ZFP14: variants seen among roughly 807,000 people sequenced by gnomAD.
The protein encoded by ZFP14 is zinc finger protein 14 homolog.
Under a neutral mutation model 54.5 loss-of-function variants are expected in ZFP14, and 22 were observed. The observed-to-expected ratio is 0.40, with a 90% CI of 0.29 to 0.58. ZFP14 has a LOEUF of 0.58. Ranked by LOEUF, ZFP14 falls within the 20% of genes least tolerant of loss-of-function variation. The pLI is 0.39. For missense variants in ZFP14, 470 were observed against 637.8 expected (o/e 0.74, Z 2.83); for synonymous variants, 159 against 204.0 (o/e 0.78, Z 1.88).
intron 2 of ZFP14, chr19:36,362,741 T>A (rs1036289901): frequency 1.7e-4 from 38 of 219,230 alleles, no homozygotes; most frequent in East Asian, 6.3e-4. Context: ...TTTAAAAATT[T>A]AAAAAAAAAG....
intron 2 of ZFP14, among the ~76,000 whole-genome samples, chr19:36,366,039 T>C (rs1482091285): frequency 6.8e-6 from 1 of 147,902 alleles, no homozygotes; most frequent in Non-Finnish European, 1.5e-5. Flanking sequence ...TCGAGGCAGG[T>C]GGATCACTTG....
chr19:36,372,639 T>C (rs2031897070), intron 1 of ZFP14, among the ~76,000 whole-genome samples: 1 of 152,068 alleles, frequency 6.6e-6, no homozygotes, highest in African/African-American at 2.4e-5. Flanking sequence ...ACAAACAGTA[T>C]GGAGAGGCCT....
intron 2 of ZFP14, among the ~76,000 whole-genome samples, chr19:36,365,892 C>T (rs1395411820): frequency 1.3e-5 from 2 of 148,900 alleles, no homozygotes; most frequent in Non-Finnish European, 3.0e-5. Context: ...CCTGGGAGGT[C>T]GGGGCTGCAG....
In ZFP14 at chr19:36,354,934, G is replaced by A. The variant is rs2031589864; in HGVS notation, c.235+5501C>T. 1.4e-5 allele frequency among the ~76,000 whole-genome samples: 2 copies of A among 143,328 alleles called. 1 individual carries two copies. Among genetic ancestry groups the A allele is most frequent in the South Asian group, 4.4e-4 (2 of 4,536 alleles). The allele number at this position is 143,328 out of a possible 152,430, so 94.0% of individuals were successfully genotyped here. On this transcript the variant is annotated intron_variant, in intron 4 of 4. Coordinates refer to ENST00000270001, the MANE Select transcript of ZFP14 (RefSeq NM_020917.3). ...GATCCTCCCACCTCAGCCTCTCAAA[G>A]TGCTGGGATTACAGGCACGAAGCCA... is the stretch of plus-strand genomic sequence containing the variant.
chr19:36,377,546 T>TAAAAA (rs60132379), intron 1 of ZFP14, among the ~76,000 whole-genome samples: 1 of 137,522 alleles, frequency 7.3e-6, no homozygotes. Context: ...ACCCTGTCTC[T>TAAAAA]AAAAAAAAAA....
At chr19:36,358,081 T>C (rs1409599066) in intron 4 of ZFP14, among the ~76,000 whole-genome samples, 1 of 146,032 alleles carries the variant, frequency 6.8e-6, no homozygotes, top group African/African-American at 2.6e-5. Flanking sequence ...TCTATCTATC[T>C]ATCTATCTAT....
intron 4 of ZFP14, among the ~76,000 whole-genome samples, chr19:36,346,179 A>G (rs1013360321): frequency 6.6e-6 from 1 of 152,002 alleles, no homozygotes; most frequent in Non-Finnish European, 1.5e-5. Context: ...CAGCTACTCG[A>G]AAGACTGAGG....
rs536457308 is a variant in ZFP14, at chr19:36,372,706, C to T, written c.-79-4735G>A. On this transcript the variant is annotated intron_variant, in intron 1 of 4. Transcript: ENST00000270001. ...CTAGCAATCACACTACTGTATATATCCAAAGGAAATGAAATCAGAATGTCA... is the reference window on the plus strand; with the variant it reads ...CTAGCAATCACACTACTGTATATATTCAAAGGAAATGAAATCAGAATGTCA... Among the ~76,000 whole-genome samples, 23 of 152,174 alleles carry T rather than the reference C, an allele frequency of 1.5e-4. 1 individual carries two copies. In the South Asian group the frequency reaches 4.6e-3, roughly 30 times the overall value.
intron 4 of ZFP14, among the ~76,000 whole-genome samples, chr19:36,355,207 T>C (rs1316159441): frequency 7.0e-6 from 1 of 143,400 alleles, no homozygotes; most frequent in Non-Finnish European, 1.5e-5. Flanking sequence ...ATCAACCTAA[T>C]CATAATAGAA....
intron 4 of ZFP14, among the ~76,000 whole-genome samples, chr19:36,343,239 GTCTC>G (rs1413311428): frequency 1.3e-5 from 2 of 152,196 alleles, no homozygotes; most frequent in African/African-American, 4.8e-5. Context: ...CAATATTTGA[GTCTC>G]TCTGTTTAAA....
Position 36,341,835 on chromosome 19 carries a change from C to T in ZFP14, c.236-245G>A, listed in dbSNP as rs935625675. On this transcript the variant is annotated intron_variant, in intron 4 of 4. Transcript: ENST00000270001. This position sits in a 1 kb window ranked among gnomAD's most constrained non-coding sequence, Gnocchi z 4.2. ...ACTGTGTTCAGAAGAAAAATAGGCC[C>T]GGAGCAGGACCACTTAATTTTTTTT... Among the ~76,000 whole-genome samples the T allele has an allele frequency of 2.6e-5, 4 of 152,052 alleles. No homozygotes were observed. The highest frequency in any genetic ancestry group is 2.1e-4 in the South Asian group (1 of 4,814).
intron 1 of ZFP14, among the ~76,000 whole-genome samples, chr19:36,375,975 G>C (rs997095573): frequency 2.0e-5 from 3 of 151,894 alleles, no homozygotes; most frequent in African/African-American, 7.3e-5. Context: ...TTACAGACAT[G>C]AGCCACCGCG....
At position 36,352,708 on chromosome 19, in the gene ZFP14, G is replaced by A. The variant is rs1403063801; in HGVS notation, c.235+7727C>T. ...TGTAATCCCAACACTTTGGGAGGCC[G>A]AGGCGGGCGGATCACAAGGCCAGGA... On this transcript the variant is annotated intron_variant, in intron 4 of 4. Coordinates refer to ENST00000270001, the MANE Select transcript of ZFP14 (RefSeq NM_020917.3). Among the ~76,000 whole-genome samples the A allele has an allele frequency of 5.6e-5, 8 of 142,304 alleles. 2 individuals are homozygous for A. Among genetic ancestry groups the A allele is most frequent in the South Asian group, 4.5e-4 (2 of 4,492 alleles). 93.4% of individuals were successfully genotyped at this position (142,304 alleles called of 152,430 possible). A position where few individuals can be genotyped will look rare whatever the true frequency, so the allele number is the denominator to read the frequency against.
chr19:36,361,962 G>T (rs2031717626), intron 3 of ZFP14, 150 bp downstream of exon 3: 1 of 802,792 alleles, frequency 1.2e-6, no homozygotes, highest in Non-Finnish European at 1.8e-6. Flanking sequence ...TAGCAGACTG[G>T]ACATGATGAA....
chr19:36,342,223 C>T (rs990253176), intron 4 of ZFP14, among the ~76,000 whole-genome samples: 1 of 140,586 alleles, frequency 7.1e-6, no homozygotes, highest in African/African-American at 2.7e-5. Flanking sequence ...CTCTGTCACC[C>T]AGGCTGGAGT....
In ZFP14 at chr19:36,337,851, TA is replaced by T. The variant is rs1290054432; in HGVS notation, c.*2372del. ...TAGATCCACCATAAAAATCTCGCTA[TA>T]AAATATTTCACCTATTAGTTGTAGT... On this transcript the variant is annotated 3_prime_UTR_variant, in exon 5 of 5. Transcript: ENST00000270001. 6.6e-6 allele frequency: 1 copy of T among 152,212 alleles called. No individual in the cohort carries two copies. Among genetic ancestry groups the T allele is most frequent in the Non-Finnish European group, 1.5e-5 (1 of 68,048 alleles). 9.4% of individuals were successfully genotyped at this position (152,212 alleles called of 1,614,324 possible).
chr19:36,345,098 T>A (rs900801346), intron 4 of ZFP14, among the ~76,000 whole-genome samples: 3 of 152,156 alleles, frequency 2.0e-5, no homozygotes, highest in African/African-American at 4.8e-5. Context: ...ACCCCATCTC[T>A]ACTAAAAATA....
chr19:36,361,483 A>C (rs2031709539), intron 3 of ZFP14, among the ~76,000 whole-genome samples: 1 of 151,202 alleles, frequency 6.6e-6, no homozygotes, highest in Admixed American at 6.6e-5. Context: ...CAAGTGATCC[A>C]CCCGACTCGG....
At chr19:36,344,424 AC>A (rs1179924085) in intron 4 of ZFP14, among the ~76,000 whole-genome samples, 1 of 152,090 alleles carries the variant, frequency 6.6e-6, no homozygotes, top group Admixed American at 6.6e-5. Context: ...TCCTTGAACT[AC>A]CCCCAGGGCA....
Sources: allele counts gnomAD v4.1 joint callset (sites outside exome capture counted in the v4.1 genomes callset), GRCh38; gene constraint gnomAD v4.1.1; non-coding constraint Gnocchi (gnomAD v3.1); transcripts MANE v1.5; gene names NCBI Gene and HGNC (gene_info 2026-07-23, HGNC 2026-07-21).